The following COMMD6 variants were observed in gnomAD, a reference collection of about 807,000 sequenced individuals.
The protein encoded by COMMD6 is COMM domain-containing protein 6.
Under a neutral mutation model 13.4 loss-of-function variants are expected in COMMD6, and 11 were observed. That is an observed-to-expected ratio of 0.82 (90% confidence interval 0.52 to 1.36). The LOEUF is 1.36. Ranked by LOEUF, COMMD6 falls within the 40% of genes most tolerant of loss-of-function variation. The pLI is 0.00. For synonymous variants in COMMD6, 43 were observed against 36.5 expected, an observed-to-expected ratio of 1.18 and a Z score of -0.64; for missense variants, 124 against 102.4, an observed-to-expected ratio of 1.21 and a Z score of -0.91.
intron 3 of COMMD6, chr13:75,527,836 T>C (rs757679651): frequency 5.3e-6 from 8 of 1,510,572 alleles, no homozygotes; most frequent in Non-Finnish European, 7.1e-6. Flanking sequence ...AGACTGGAGG[T>C]TGCCAGGAGC....
chr13:75,543,418 C>T (rs963566984), upstream of COMMD6, among the ~76,000 whole-genome samples: 35 of 152,220 alleles, frequency 2.3e-4, no homozygotes, highest in Non-Finnish European at 4.3e-4. Flanking sequence ...GAACACAGCC[C>T]TGTCAACATT....
intron 2 of COMMD6, among the ~76,000 whole-genome samples, chr13:75,536,221 A>C (rs1415205836): frequency 6.6e-6 from 1 of 152,188 alleles, no homozygotes; most frequent in Non-Finnish European, 1.5e-5. Flanking sequence ...TATATTTTCC[A>C]ACTCTTTATG....
At chr13:75,530,654 G>A (rs1566197132) in intron 2 of COMMD6, 1 of 161,088 alleles carries the variant, frequency 6.2e-6, no homozygotes, top group African/African-American at 2.4e-5. Context: ...GTGATAAGGT[G>A]GTTTTGGATT....
In COMMD6 at chr13:75,537,719, G is replaced by A. The variant is rs375005753; in HGVS notation, c.43-44C>T. 12 of 1,613,912 alleles carry A rather than the reference G, an allele frequency of 7.4e-6. No homozygotes were observed. The highest frequency in any genetic ancestry group is 8.5e-6 in the Non-Finnish European group (10 of 1,179,974). On this transcript the variant is annotated intron_variant, in intron 1 of 3. Transcript: ENST00000682242. Reference sequence around the variant, plus strand: ...CACAATTTAGAGAAACATCTTTCTTGCTCCAGAGCCTCGCTGCCCACTCTC... The same window carrying A: ...CACAATTTAGAGAAACATCTTTCTTACTCCAGAGCCTCGCTGCCCACTCTC...
chr13:75,542,956 T>C (rs1336991465), upstream of COMMD6, among the ~76,000 whole-genome samples: 5 of 152,186 alleles, frequency 3.3e-5, no homozygotes, highest in Non-Finnish European at 5.9e-5. Flanking sequence ...GTGGTGTACC[T>C]GGATAAAGAA....
intron 1 of COMMD6, among the ~76,000 whole-genome samples, chr13:75,544,124 G>T (rs1308697027): frequency 6.6e-6 from 1 of 151,960 alleles, no homozygotes; most frequent in African/African-American, 2.4e-5. Context: ...GTGGGTGGGG[G>T]GGAGGTGGGG....
At chr13:75,537,516 A>T in intron 2 of COMMD6, 148 bp downstream of exon 2, 3 of 1,570,028 alleles carry the variant, frequency 1.9e-6, no homozygotes, top group Non-Finnish European at 2.6e-6. Context: ...GGTGCAAAAG[A>T]GAAGGAGCAA....
Position 75,530,275 on chromosome 13 carries a change from A to C in COMMD6, c.55-9T>G. 2.5e-6 allele frequency: 4 copies of C among 1,604,236 alleles called. No individual in the cohort carries two copies. Among genetic ancestry groups the C allele is most frequent in the East Asian group, 2.2e-5 (1 of 44,738 alleles). ...CACTGAAAATCTACAAGCTTTAATA[A>C]GACAGGACAAAATAATACATTAGTA... On this transcript the variant is annotated splice_polypyrimidine_tract_variant and intron_variant, in intron 2 of 3. Coordinates refer to ENST00000682242, the MANE Select transcript of COMMD6 (RefSeq NM_203495.4).
chr13:75,532,579 C>T (rs2138416779), intron 2 of COMMD6, among the ~76,000 whole-genome samples: 1 of 152,272 alleles, frequency 6.6e-6, no homozygotes, highest in South Asian at 2.1e-4. Flanking sequence ...CGCCTGTAAT[C>T]CCAGCACTTT....
At chr13:75,528,011 ACAC>A (rs2030327486) in intron 3 of COMMD6, among the ~76,000 whole-genome samples, 1 of 139,832 alleles carries the variant, frequency 7.2e-6, no homozygotes, top group South Asian at 2.1e-4. Flanking sequence ...GCACACACAC[ACAC>A]ACACACACAC....
chr13:75,526,837 A>G (rs1439765984), intron 3 of COMMD6, among the ~76,000 whole-genome samples, 198 bp from the exon 4 acceptor site: 2 of 152,188 alleles, frequency 1.3e-5, no homozygotes, highest in African/African-American at 4.8e-5. Flanking sequence ...GTGGGGTTGG[A>G]TAATTATCTT....
chr13:75,541,529 A>G (rs1566201990), upstream of COMMD6, among the ~76,000 whole-genome samples: 1 of 151,984 alleles, frequency 6.6e-6, no homozygotes, highest in Admixed American at 6.6e-5. Flanking sequence ...CTCAATTCTC[A>G]GAGAAGGACT....
intron 1 of COMMD6, among the ~76,000 whole-genome samples, chr13:75,546,696 T>C (rs938432706): frequency 6.6e-6 from 1 of 152,222 alleles, no homozygotes; most frequent in African/African-American, 2.4e-5. Context: ...AGTGCATGGA[T>C]TTATGTAAAT....
At chr13:75,527,926 T>C (rs2030320494) in intron 3 of COMMD6, 4 of 1,384,998 alleles carry the variant, frequency 2.9e-6, no homozygotes, top group East Asian at 2.6e-5. Context: ...TGAGATCTAA[T>C]GTACAATATG....
chr13:75,537,288 C>T (rs2030701738), intron 2 of COMMD6: 5 of 1,531,100 alleles, frequency 3.3e-6, no homozygotes, highest in African/African-American at 2.8e-5. Context: ...AAATGCTATA[C>T]TCCATCTTCA....
intron 3 of COMMD6, among the ~76,000 whole-genome samples, chr13:75,528,978 G>C (rs1009782460): frequency 6.6e-6 from 1 of 152,100 alleles, no homozygotes; most frequent in Non-Finnish European, 1.5e-5. Flanking sequence ...GGAAGCCTAG[G>C]ACCAATATAA....
In COMMD6 at chr13:75,526,627, G is replaced by A. The variant is rs754637359; in HGVS notation, c.220C>T (p.Gln74Ter). The change falls in exon 4 of 4, where the codon CAG (glutamine) becomes TAG (stop). Residue 74 changes from glutamine to a stop codon, truncating the protein, a stop_gained. Coordinates refer to ENST00000682242, the MANE Select transcript of COMMD6 (RefSeq NM_203495.4). LOFTEE classifies it high-confidence loss of function. ...ATAACTGCAGCAATTTCCTTGAACT[G>A]TCTGTAGAAATTCTGGAGAGAAAGG... ...TIPQFQNFYR[Q>*]FKEIAAVIET... 1.9e-6 allele frequency: 3 copies of A among 1,603,552 alleles called. No individual in the cohort carries two copies. In the African/African-American group the frequency reaches 4.0e-5, roughly 21 times the overall value.
At chr13:75,533,932 T>C (rs1470671197) in intron 2 of COMMD6, among the ~76,000 whole-genome samples, 1 of 151,984 alleles carries the variant, frequency 6.6e-6, no homozygotes, top group Non-Finnish European at 1.5e-5. Flanking sequence ...TAATTCCAGT[T>C]CAATAGTGAT....
chr13:75,535,796 C>T (rs563961357), intron 2 of COMMD6, among the ~76,000 whole-genome samples: 5 of 152,262 alleles, frequency 3.3e-5, no homozygotes, highest in African/African-American at 7.2e-5. Context: ...GCTCCTCATG[C>T]GCTGGATCAC....
Sources: allele counts gnomAD v4.1 joint callset (sites outside exome capture counted in the v4.1 genomes callset), GRCh38; gene constraint gnomAD v4.1.1; transcripts MANE v1.5; gene names NCBI Gene and HGNC (gene_info 2026-07-23, HGNC 2026-07-21).